LTBP1: variants seen among roughly 807,000 people sequenced by gnomAD.
LTBP1 encodes the protein latent transforming growth factor beta binding protein 1.
In LTBP1, 129 loss-of-function variants were observed where a neutral mutation model predicts 207.6. The ratio of observed to expected loss-of-function variants is 0.62; its 90% CI spans 0.54 to 0.72. The LOEUF (loss-of-function observed/expected upper bound fraction) is 0.72. Ranked by LOEUF, LTBP1 falls within the 30% of genes least tolerant of loss-of-function variation. The pLI is 0.00. For missense variants in LTBP1, 2,281 were observed against 2,217.2 expected, an observed-to-expected ratio of 1.03 and a Z score of -0.58; for synonymous variants, 963 against 833.7, an observed-to-expected ratio of 1.16 and a Z score of -2.67.
At chr2:33,231,040 T>G (rs185517769) in intron 9 of LTBP1, among the ~76,000 whole-genome samples, 92 of 152,324 alleles carry the variant, frequency 6.0e-4, no homozygotes, top group Non-Finnish European at 1.1e-3. Flanking sequence ...CAAACATTAA[T>G]CGCTGGGGCA....
At chr2:33,072,730 G>T (rs1360622200) in intron 3 of LTBP1, among the ~76,000 whole-genome samples, 1 of 152,164 alleles carries the variant, frequency 6.6e-6, no homozygotes, top group Non-Finnish European at 1.5e-5. Context: ...TTGAAAACCG[G>T]TATATTAATA....
At chr2:33,080,816 G>A (rs1426050660) in intron 3 of LTBP1, among the ~76,000 whole-genome samples, 2 of 152,062 alleles carry the variant, frequency 1.3e-5, no homozygotes, top group South Asian at 2.1e-4. Flanking sequence ...ACACATCAAT[G>A]TATAGTATAT....
intron 7 of LTBP1, among the ~76,000 whole-genome samples, chr2:33,203,813 C>T (rs1339226472): frequency 1.3e-5 from 2 of 152,150 alleles, no homozygotes; most frequent in Non-Finnish European, 2.9e-5. Flanking sequence ...GCATGTTGAG[C>T]TACTTCTGAT....
intron 12 of LTBP1, 57 bp from the exon 13 acceptor site, chr2:33,259,531 A>T: frequency 1.6e-6 from 2 of 1,252,890 alleles, no homozygotes; most frequent in Admixed American, 2.2e-5. Context: ...GAATTGAAAT[A>T]TAATAGACTG....
chr2:33,014,000 C>G (rs1039656719), intron 2 of LTBP1, among the ~76,000 whole-genome samples: 2 of 152,042 alleles, frequency 1.3e-5, no homozygotes, highest in African/African-American at 4.8e-5. Flanking sequence ...ATTAGAAAGG[C>G]AAATAGGGTA....
intron 23 of LTBP1, among the ~76,000 whole-genome samples, chr2:33,309,877 A>T (rs1477851620): frequency 6.7e-6 from 1 of 148,546 alleles, no homozygotes; most frequent in Non-Finnish European, 1.5e-5. Context: ...TTATGGGCAT[A>T]TTTTATTTTG....
At position 33,021,226 on chromosome 2, in the gene LTBP1, AT is replaced by A; in HGVS notation, c.863+23del. 1 of 1,564,262 alleles carries A rather than the reference AT, an allele frequency of 6.4e-7. No individual in the cohort carries two copies. Among genetic ancestry groups the A allele is most frequent in the South Asian group, 1.2e-5 (1 of 82,570 alleles). On this transcript the variant is annotated intron_variant, in intron 3 of 33. Coordinates refer to ENST00000404816, the MANE Select transcript of LTBP1 (RefSeq NM_206943.4). ...TTCTCAGTGAGTGTTTCGAACTTTC[AT>A]TTAGCTAAGGATCATCTTAATTACT...
chr2:33,354,357 C>A (rs904291708), intron 26 of LTBP1, among the ~76,000 whole-genome samples: 23 of 152,004 alleles, frequency 1.5e-4, no homozygotes, highest in African/African-American at 5.1e-4. Context: ...GAAAGTAAGA[C>A]CACAGTATTT....
chr2:33,094,387 T>G (rs2079274036), intron 3 of LTBP1, among the ~76,000 whole-genome samples: 1 of 152,256 alleles, frequency 6.6e-6, no homozygotes, highest in Non-Finnish European at 1.5e-5. Flanking sequence ...TCTCTAGACT[T>G]GTTTCTGCCA....
At chr2:33,318,768 C>T (rs1227635688) in intron 24 of LTBP1, among the ~76,000 whole-genome samples, 1 of 152,160 alleles carries the variant, frequency 6.6e-6, no homozygotes, top group African/African-American at 2.4e-5. Context: ...TTTTCTTTCA[C>T]TCAACTCGTT....
intron 2 of LTBP1, among the ~76,000 whole-genome samples, chr2:32,991,443 C>G (rs552938035): frequency 6.6e-6 from 1 of 152,248 alleles, no homozygotes; most frequent in South Asian, 2.1e-4. Flanking sequence ...AAATATAAAG[C>G]TAGCTTTGGA....
At chr2:33,349,221 C>T (rs191482406) in intron 26 of LTBP1, among the ~76,000 whole-genome samples, 9 of 152,296 alleles carry the variant, frequency 5.9e-5, no homozygotes, top group South Asian at 4.2e-4. Context: ...GAGGCCGAGG[C>T]AGGCAGATCA....
intron 10 of LTBP1, among the ~76,000 whole-genome samples, chr2:33,251,011 T>G (rs1311426105): frequency 3.9e-5 from 6 of 152,272 alleles, no homozygotes; most frequent in South Asian, 2.1e-4. Context: ...CTATCACTGC[T>G]GGCACCTAAG....
At chr2:33,243,551 C>T in intron 9 of LTBP1, 111 bp from the exon 10 acceptor site, 1 of 950,420 alleles carries the variant, frequency 1.1e-6, no homozygotes, top group Non-Finnish European at 1.6e-6. Flanking sequence ...ATCCTTTTTT[C>T]ACTATAACTA....
At chr2:33,390,820 G>A (rs901002788) in intron 32 of LTBP1, among the ~76,000 whole-genome samples, 1 of 151,968 alleles carries the variant, frequency 6.6e-6, no homozygotes, top group African/African-American at 2.4e-5. Flanking sequence ...AATTGCTGCC[G>A]ACCGAGGAGT....
intron 2 of LTBP1, among the ~76,000 whole-genome samples, chr2:32,961,011 G>A (rs1277175810): frequency 1.3e-5 from 2 of 152,180 alleles, no homozygotes; most frequent in African/African-American, 4.8e-5. Context: ...AAACACGAGT[G>A]CATGCAAGTG....
chr2:33,129,643 G>A (rs899843313), intron 4 of LTBP1, among the ~76,000 whole-genome samples: 1 of 152,072 alleles, frequency 6.6e-6, no homozygotes, highest in African/African-American at 2.4e-5. Flanking sequence ...ATTAAAAATG[G>A]TTTTACTTTT....
chr2:33,150,881 G>A (rs11676681), intron 5 of LTBP1, among the ~76,000 whole-genome samples: 83,862 of 150,338 alleles, frequency 0.56, 23,641 homozygotes, highest in Middle Eastern at 0.62. Flanking sequence ...GATTACAGGC[G>A]TGCGCCACCA....
At chr2:33,259,649 G>C (rs751416145) in intron 13 of LTBP1, 39 bp downstream of exon 13, 2 of 1,568,210 alleles carry the variant, frequency 1.3e-6, no homozygotes, top group Non-Finnish European at 8.7e-7. Flanking sequence ...TTTTTTCAAC[G>C]CTCAAAGTGA....
Sources: allele counts gnomAD v4.1 joint callset (sites outside exome capture counted in the v4.1 genomes callset), GRCh38; gene constraint gnomAD v4.1.1; transcripts MANE v1.5; gene names NCBI Gene and HGNC (gene_info 2026-07-23, HGNC 2026-07-21).